ITGB6: variants seen among roughly 807,000 people sequenced by gnomAD.
ITGB6 encodes the protein integrin subunit beta 6.
In ITGB6, 80 loss-of-function variants were observed where a neutral mutation model predicts 84.5. The ratio of observed to expected loss-of-function variants is 0.95; its 90% CI spans 0.79 to 1.14. The LOEUF (loss-of-function observed/expected upper bound fraction) is 1.14, where lower values mean the gene tolerates loss of function less well. Ranked by LOEUF, ITGB6 falls within the 50% of genes most tolerant of loss-of-function variation. The pLI is 0.00. For synonymous variants in ITGB6, 383 were observed against 354.9 expected, an observed-to-expected ratio of 1.08 and a Z score of -0.89; for missense variants, 1,006 against 968.0, an observed-to-expected ratio of 1.04 and a Z score of -0.52.
Position 160,101,731 on chromosome 2 carries a change from T to C in ITGB6, c.*5A>G. On this transcript the variant is annotated 3_prime_UTR_variant, in exon 15 of 15. Transcript: ENST00000283249. The stretch of plus-strand genomic sequence containing the variant: ...AAACAGACTTTTTTCATGCATAAAG[T>C]AGTTCTAGCAATCTGTGGAAAGGTC... The C allele has an allele frequency of 2.1e-6, 3 of 1,453,432 alleles. No homozygotes were observed. Among genetic ancestry groups the C allele is most frequent in the South Asian group, 1.2e-5 (1 of 86,700 alleles). The allele number at this position is 1,453,432 out of a possible 1,614,324, so 90.0% of individuals were successfully genotyped here. A position where few individuals can be genotyped will look rare whatever the true frequency, so the allele number is the denominator to read the frequency against.
At chr2:160,135,406 A>T (rs1312064860) in intron 10 of ITGB6, among the ~76,000 whole-genome samples, 1 of 148,684 alleles carries the variant, frequency 6.7e-6, no homozygotes, top group African/African-American at 2.5e-5. Context: ...ATAAAAGAGG[A>T]TACAAACAAA....
At chr2:160,183,687 A>G (rs1220694384) in intron 4 of ITGB6, among the ~76,000 whole-genome samples, 2 of 152,222 alleles carry the variant, frequency 1.3e-5, no homozygotes, top group East Asian at 1.9e-4. Context: ...CAGAATATAC[A>G]TTCTTCTCAG....
rs746158392 is a variant in ITGB6, at chr2:160,138,101, G to T, written c.1206C>A (p.His402Gln). Residue 402 changes from histidine to glutamine, a missense_variant, in exon 9 of 15, where the codon CAC (histidine) becomes CAA (glutamine). Coordinates refer to ENST00000283249, the MANE Select transcript of ITGB6 (RefSeq NM_000888.5). ...AICNNGTLFQHQKKCSHMKVG... is the reference protein window; with the variant it reads ...AICNNGTLFQQQKKCSHMKVG... ...CTTTCATGTGAGAGCATTTCTTTTG[G>T]TGTTGGAAGAGGGTACCGTTGTTAC... The T allele has an allele frequency of 6.2e-6, 10 of 1,613,750 alleles. No individual in the cohort carries two copies. In the East Asian group the frequency reaches 2.2e-4, roughly 36 times the overall value.
chr2:160,139,849 C>T (rs761030650), intron 8 of ITGB6, among the ~76,000 whole-genome samples: 6 of 152,190 alleles, frequency 3.9e-5, no homozygotes, highest in African/African-American at 1.4e-4. Context: ...GCTGATATTT[C>T]GGTAGCTTTT....
chr2:160,176,583 G>A (rs537497873), intron 4 of ITGB6, among the ~76,000 whole-genome samples: 1 of 152,300 alleles, frequency 6.6e-6, no homozygotes, highest in African/African-American at 2.4e-5. Flanking sequence ...GGATTGTCAT[G>A]AGGCTTGAAT....
chr2:160,130,206 G>A (rs1371460546), intron 10 of ITGB6, among the ~76,000 whole-genome samples: 2 of 151,884 alleles, frequency 1.3e-5, no homozygotes, highest in Non-Finnish European at 2.9e-5. Flanking sequence ...ACATAGAAAA[G>A]GTACAGTAAA....
chr2:160,176,099 AGAAC>A (rs1158029974), intron 4 of ITGB6, among the ~76,000 whole-genome samples: 82 of 152,344 alleles, frequency 5.4e-4, no homozygotes, highest in African/African-American at 1.9e-3. Context: ...CCCAGGCTTC[AGAAC>A]TAGGGGAAAT....
In ITGB6 at chr2:160,130,324, C is replaced by A. The variant is rs568313686; in HGVS notation, c.1661-3723G>T. On this transcript the variant is annotated intron_variant, in intron 10 of 14. Transcript: ENST00000283249. ...ATATGTATATACATATATATTCTCT[C>A]TCTATATATATTCTCTATATACTCT... Among the ~76,000 whole-genome samples the A allele has an allele frequency of 7.8e-4, 119 of 152,052 alleles. 1 individual carries two copies. The highest frequency in any genetic ancestry group is 2.6e-3 in the African/African-American group (108 of 41,468).
chr2:160,144,479 G>A (rs1684115226), intron 7 of ITGB6, among the ~76,000 whole-genome samples: 1 of 152,206 alleles, frequency 6.6e-6, no homozygotes, highest in Non-Finnish European at 1.5e-5. Flanking sequence ...TACCTACACA[G>A]GAACTTGAAT....
At chr2:160,111,960 A>G (rs1321731369) in intron 13 of ITGB6, 120 bp downstream of exon 13, 2 of 985,258 alleles carry the variant, frequency 2.0e-6, no homozygotes, top group African/African-American at 3.3e-5. Context: ...AACTTTAAGA[A>G]ACTTCATCAA....
Position 160,164,158 on chromosome 2 carries a change from A to T in ITGB6, c.1017+5054T>A, listed in dbSNP as rs927902565. On this transcript the variant is annotated intron_variant, in intron 7 of 14. Coordinates refer to ENST00000283249, the MANE Select transcript of ITGB6 (RefSeq NM_000888.5). ...ATGCCCTCATTCTGTTTTTATAGGC[A>T]AAATATTAGTTTACAAGTCTGCTGA... 3.9e-5 allele frequency among the ~76,000 whole-genome samples: 6 copies of T among 152,180 alleles called. No individual in the cohort carries two copies. In the East Asian group the frequency reaches 1.2e-3, roughly 29 times the overall value.
In ITGB6 at chr2:160,100,761, C is replaced by G. The variant is rs1294297433; in HGVS notation, c.*975G>C. The G allele has an allele frequency of 1.3e-5, 2 of 152,108 alleles. No individual in the cohort carries two copies. The highest frequency in any genetic ancestry group is 2.9e-5 in the Non-Finnish European group (2 of 67,998). 9.4% of individuals were successfully genotyped at this position (152,108 alleles called of 1,614,324 possible). ...TGGGAAAAGAGTATGTATTAAAAAG[C>G]CTTTAAGACTTGTATACTCTTGATG... On this transcript the variant is annotated 3_prime_UTR_variant, in exon 15 of 15. Coordinates refer to ENST00000283249, the MANE Select transcript of ITGB6 (RefSeq NM_000888.5).
intron 6 of ITGB6, among the ~76,000 whole-genome samples, chr2:160,169,780 T>C (rs540257191): frequency 6.6e-6 from 1 of 152,354 alleles, no homozygotes; most frequent in South Asian, 2.1e-4. Flanking sequence ...TGAGGGTTGC[T>C]GAGGTATGAC....
chr2:160,114,699 G>A (rs575797533), intron 12 of ITGB6, among the ~76,000 whole-genome samples: 76 of 152,270 alleles, frequency 5.0e-4, no homozygotes, highest in African/African-American at 1.7e-3. Context: ...AAAGCAGGGC[G>A]AGGCATTGCC....
chr2:160,108,356 A>G (rs982847417), intron 13 of ITGB6, among the ~76,000 whole-genome samples: 2 of 151,852 alleles, frequency 1.3e-5, no homozygotes, highest in South Asian at 4.2e-4. Context: ...AAAAATTACT[A>G]TTTCCTTCTT....
intron 7 of ITGB6, among the ~76,000 whole-genome samples, chr2:160,161,635 G>T (rs2105852841): frequency 6.6e-6 from 1 of 152,294 alleles, no homozygotes; most frequent in East Asian, 1.9e-4. Context: ...CTATGTCTGA[G>T]TGGTGAGTTT....
Position 160,137,766 on chromosome 2 carries a change from G to A in ITGB6, c.1328C>T (p.Ala443Val). The A allele has an allele frequency of 6.2e-7, 1 of 1,614,148 alleles. No individual in the cohort carries two copies. Among genetic ancestry groups the A allele is most frequent in the Non-Finnish European group, 8.5e-7 (1 of 1,180,006 alleles). Residue 443 changes from alanine to valine, a missense_variant, in exon 10 of 15, where the codon GCC becomes GTC. Physicochemically the swap from Ala to Val is moderately conservative, Grantham distance 64. Coordinates refer to ENST00000283249, the MANE Select transcript of ITGB6 (RefSeq NM_000888.5). Reference sequence around the variant, plus strand: ...TTCTGGGCTGACAAGTAATTCCAGGGCATCCCCCAGCCCCACAGGCTTTAT... The same window carrying A: ...TTCTGGGCTGACAAGTAATTCCAGGACATCCCCCAGCCCCACAGGCTTTAT... Reference protein sequence around the residue: ...IIIKPVGLGDALELLVSPECN... With the variant: ...IIIKPVGLGDVLELLVSPECN...
chr2:160,138,960 A>T lies in ITGB6; in HGVS notation c.1108-761T>A, dbSNP rs112820938. On this transcript the variant is annotated intron_variant, in intron 8 of 14. Coordinates refer to ENST00000283249, the MANE Select transcript of ITGB6 (RefSeq NM_000888.5). The stretch of plus-strand genomic sequence containing the variant: ...TGCTGCCTGGCACCACAATGGTGAT[A>T]GTAACTCACCACCAACAGTAAGATG... 8.7e-3 allele frequency among the ~76,000 whole-genome samples: 1,318 copies of T among 152,358 alleles called. 24 individuals are homozygous for T. Among genetic ancestry groups the T allele is most frequent in the African/African-American group, 0.031 (1,274 of 41,588 alleles).
At chr2:160,176,878 T>C (rs1685438303) in intron 4 of ITGB6, among the ~76,000 whole-genome samples, 1 of 152,254 alleles carries the variant, frequency 6.6e-6, no homozygotes, top group South Asian at 2.1e-4. Flanking sequence ...TTTGATCATC[T>C]TTCTATTGCT....
Sources: allele counts gnomAD v4.1 joint callset (sites outside exome capture counted in the v4.1 genomes callset), GRCh38; gene constraint gnomAD v4.1.1; transcripts MANE v1.5; gene names NCBI Gene and HGNC (gene_info 2026-07-23, HGNC 2026-07-21).